The following LRRC4C variants were observed in gnomAD, a reference collection of about 807,000 sequenced individuals.
LRRC4C encodes leucine-rich repeat-containing protein 4C.
In LRRC4C, 5 loss-of-function variants were observed where a neutral mutation model predicts 33.6. That is an observed-to-expected ratio of 0.15 (90% CI 0.08 to 0.31). LRRC4C has a LOEUF of 0.31. Ranked by LOEUF, LRRC4C falls within the 10% of genes least tolerant of loss-of-function variation. The pLI is 1.00. For synonymous variants in LRRC4C, 329 were observed against 302.0 expected (o/e 1.09, Z -0.93); for missense variants, 560 against 796.7 (o/e 0.70, Z 3.58).
intron 2 of LRRC4C, among the ~76,000 whole-genome samples, chr11:40,768,433 G>A (rs915182545): frequency 6.6e-6 from 1 of 152,032 alleles, no homozygotes; most frequent in Non-Finnish European, 1.5e-5. Flanking sequence ...CTAAATGATA[G>A]AGGAGCAGGA....
chr11:40,744,890 A>T (rs11036060), intron 2 of LRRC4C, among the ~76,000 whole-genome samples: 10,451 of 152,208 alleles, frequency 0.069, 600 homozygotes, highest in African/African-American at 0.16. Context: ...GACTTAGAAT[A>T]GGTAGATGTA....
intron 2 of LRRC4C, among the ~76,000 whole-genome samples, chr11:40,694,887 A>G (rs1050736754): frequency 3.3e-5 from 5 of 151,880 alleles, no homozygotes; most frequent in Admixed American, 2.0e-4. Context: ...TTCTTTTATC[A>G]TCATCGTAGC....
intron 2 of LRRC4C, among the ~76,000 whole-genome samples, chr11:40,881,663 T>C (rs1005287040): frequency 1.2e-4 from 18 of 151,644 alleles, no homozygotes; most frequent in African/African-American, 3.6e-4. Context: ...TTTTTTCTTT[T>C]TTTTTTTTAC....
At chr11:40,183,947 G>C (rs980469554) in intron 5 of LRRC4C, among the ~76,000 whole-genome samples, 2 of 152,192 alleles carry the variant, frequency 1.3e-5, no homozygotes, top group African/African-American at 4.8e-5. Context: ...TCCTGAAAAA[G>C]ACAATAATAT....
chr11:40,477,963 G>A (rs1953330201), intron 3 of LRRC4C, among the ~76,000 whole-genome samples: 1 of 152,144 alleles, frequency 6.6e-6, no homozygotes, highest in Non-Finnish European at 1.5e-5. Context: ...AGTCCCATGA[G>A]GACTGAGAGT....
intron 2 of LRRC4C, among the ~76,000 whole-genome samples, chr11:40,723,696 C>T (rs542542343): frequency 5.9e-5 from 9 of 152,098 alleles, no homozygotes; most frequent in Non-Finnish European, 1.2e-4. Context: ...AAAGCAACTA[C>T]GCAATGGAGA....
intron 2 of LRRC4C, among the ~76,000 whole-genome samples, chr11:40,695,535 A>G (rs1945457166): frequency 6.6e-6 from 1 of 152,198 alleles, no homozygotes. Context: ...GTAAGTTAAC[A>G]CAACACAAAG....
chr11:41,026,686 C>T (rs1856390892), intron 1 of LRRC4C, among the ~76,000 whole-genome samples: 1 of 151,420 alleles, frequency 6.6e-6, no homozygotes, highest in East Asian at 2.0e-4. Flanking sequence ...CAACCTTCAG[C>T]AACTACCACC....
At chr11:40,398,188 A>T (rs2137518102) in intron 3 of LRRC4C, among the ~76,000 whole-genome samples, 1 of 152,206 alleles carries the variant, frequency 6.6e-6, no homozygotes, top group African/African-American at 2.4e-5. Context: ...TAGAGATGAA[A>T]TATGGCTTAC....
chr11:41,344,532 TCTTAA>T (rs1295131938), intron 1 of LRRC4C, among the ~76,000 whole-genome samples: 2 of 152,304 alleles, frequency 1.3e-5, no homozygotes, highest in East Asian at 3.9e-4. Context: ...AGCCTTTCTA[TCTTAA>T]CTCATCAATG....
rs566534419 is a variant in LRRC4C at position 40,784,800 on chromosome 11, T to G, written c.-406-136522A>C. On this transcript the variant is annotated intron_variant, in intron 2 of 6. Coordinates refer to ENST00000528697, the MANE Select transcript of LRRC4C (RefSeq NM_001258419.2). ...GCTGATCTTTAGTCTAGAAAGGGTA[T>G]GAAATAGTGTATAGTTTTTAAGGTG... Among the ~76,000 whole-genome samples, 19 of 152,180 alleles carry G rather than the reference T, an allele frequency of 1.2e-4. No homozygotes were observed. The East Asian group carries it at 3.5e-3, about 28-fold the overall frequency.
chr11:40,280,056 C>G (rs923680394), intron 4 of LRRC4C, among the ~76,000 whole-genome samples: 1 of 152,128 alleles, frequency 6.6e-6, no homozygotes, highest in African/African-American at 2.4e-5. Context: ...GTTTCAGTGC[C>G]AGCCCTGGGA....
chr11:41,211,827 T>G (rs778654859), intron 1 of LRRC4C, among the ~76,000 whole-genome samples: 2 of 152,158 alleles, frequency 1.3e-5, no homozygotes, highest in African/African-American at 4.8e-5. Context: ...ATGATTTATA[T>G]TCCTTTGGGT....
intron 1 of LRRC4C, among the ~76,000 whole-genome samples, chr11:41,300,332 C>T (rs910214481): frequency 3.5e-4 from 54 of 152,330 alleles, no homozygotes; most frequent in African/African-American, 1.2e-3. Context: ...TATTAAGTGA[C>T]TTCACTTTAG....
intron 1 of LRRC4C, among the ~76,000 whole-genome samples, chr11:40,964,760 C>T (rs1366617917): frequency 6.6e-6 from 1 of 151,860 alleles, no homozygotes; most frequent in South Asian, 2.1e-4. Context: ...TTTCTTAATC[C>T]AGTCTATCAT....
intron 3 of LRRC4C, among the ~76,000 whole-genome samples, chr11:40,539,878 C>A (rs1486601309): frequency 1.3e-5 from 2 of 151,994 alleles, no homozygotes; most frequent in Non-Finnish European, 2.9e-5. Context: ...AAATTTTATT[C>A]TTTTTAAAAA....
chr11:41,110,289 CTT>C (rs544566535), intron 1 of LRRC4C, among the ~76,000 whole-genome samples: 260 of 152,064 alleles, frequency 1.7e-3, no homozygotes, highest in Middle Eastern at 3.4e-3. Context: ...GATTTAATGA[CTT>C]AATACAGAAT....
At chr11:40,348,699 A>G (rs917544164) in intron 3 of LRRC4C, among the ~76,000 whole-genome samples, 7 of 152,204 alleles carry the variant, frequency 4.6e-5, no homozygotes, top group East Asian at 3.9e-4. Context: ...TGATAATCCA[A>G]ATCTGTAACT....
intron 1 of LRRC4C, among the ~76,000 whole-genome samples, chr11:41,393,526 T>C (rs1398188974): frequency 6.6e-6 from 1 of 151,888 alleles, no homozygotes; most frequent in Non-Finnish European, 1.5e-5. Flanking sequence ...TTTCAGATCA[T>C]GTTTCTTTCC....
Sources: gnomAD v4.1 joint callset for allele counts (sites outside exome capture counted in the v4.1 genomes callset) on GRCh38, gnomAD v4.1.1 for gene constraint, MANE v1.5 for transcripts, NCBI Gene and HGNC (gene_info 2026-07-23, HGNC 2026-07-21) for gene names.